The following SYN3 variants were observed in gnomAD, a reference collection of about 807,000 sequenced individuals.
The protein encoded by SYN3 is synapsin III, also known as synapsin-3.
In SYN3, 35 loss-of-function variants were observed where a neutral mutation model predicts 65.8. The ratio of observed to expected loss-of-function variants is 0.53; its 90% CI spans 0.41 to 0.70. The LOEUF is 0.70. SYN3 is among the 30% of genes least tolerant of loss of function. The pLI is 0.00. For missense variants in SYN3, 680 were observed against 749.0 expected, an observed-to-expected ratio of 0.91 and a Z score of 1.08; for synonymous variants, 270 against 292.9, an observed-to-expected ratio of 0.92 and a Z score of 0.80.
intron 7 of SYN3, among the ~76,000 whole-genome samples, chr22:32,570,885 A>G (rs1468200028): frequency 6.6e-6 from 1 of 152,200 alleles, no homozygotes; most frequent in Non-Finnish European, 1.5e-5. Flanking sequence ...GGGGGACACA[A>G]ATGAACATGG....
At chr22:32,997,093 C>T (rs541924046) in intron 2 of SYN3, among the ~76,000 whole-genome samples, 7 of 152,324 alleles carry the variant, frequency 4.6e-5, no homozygotes, top group South Asian at 4.1e-4. Context: ...ATAAGAACTG[C>T]GGTGCCCAGG....
chr22:32,903,595 T>C (rs560101817), intron 4 of SYN3, among the ~76,000 whole-genome samples: 2 of 152,292 alleles, frequency 1.3e-5, no homozygotes, highest in Non-Finnish European at 2.9e-5. Flanking sequence ...GCAGCCTCCA[T>C]AGCTGGCTGC....
intron 10 of SYN3, among the ~76,000 whole-genome samples, chr22:32,531,140 C>A (rs1228727400): frequency 8.0e-5 from 10 of 125,578 alleles, no homozygotes; most frequent in Non-Finnish European, 1.3e-4. Flanking sequence ...CAGAATGAGA[C>A]CCCGTCTCAA....
intron 6 of SYN3, among the ~76,000 whole-genome samples, chr22:32,730,021 T>C (rs1250530493): frequency 6.6e-6 from 1 of 152,158 alleles, no homozygotes; most frequent in African/African-American, 2.4e-5. Context: ...TGGATGACAA[T>C]GATAAAGGCT....
intron 6 of SYN3, among the ~76,000 whole-genome samples, chr22:32,798,278 G>A (rs568262888): frequency 2.4e-4 from 36 of 152,220 alleles, no homozygotes; most frequent in Non-Finnish European, 4.4e-4. Context: ...TCTGTCTACA[G>A]ATCTGAAAAG....
At chr22:32,822,673 C>T (rs1357201901) in intron 6 of SYN3, among the ~76,000 whole-genome samples, 1 of 152,140 alleles carries the variant, frequency 6.6e-6, no homozygotes, top group African/African-American at 2.4e-5. Flanking sequence ...TGAAGATCTG[C>T]ACTTCCTCTT....
intron 6 of SYN3, among the ~76,000 whole-genome samples, chr22:32,690,330 G>A (rs2060645838): frequency 6.6e-6 from 1 of 152,192 alleles, no homozygotes; most frequent in Non-Finnish European, 1.5e-5. Context: ...AGAATGATGA[G>A]AAATACATTT....
chr22:32,831,586 A>T (rs1253078032), intron 6 of SYN3, among the ~76,000 whole-genome samples: 1 of 152,202 alleles, frequency 6.6e-6, no homozygotes, highest in African/African-American at 2.4e-5. Flanking sequence ...CTAGCATATA[A>T]TTGGAAGATT....
intron 3 of SYN3, among the ~76,000 whole-genome samples, chr22:32,950,611 T>C (rs754357511): frequency 6.0e-5 from 9 of 150,244 alleles, no homozygotes; most frequent in Non-Finnish European, 1.0e-4. Context: ...TATTTTTTCA[T>C]AGTTGTCATT....
chr22:32,542,954 C>G (rs1430067638), intron 7 of SYN3, among the ~76,000 whole-genome samples: 1 of 152,102 alleles, frequency 6.6e-6, no homozygotes, highest in Non-Finnish European at 1.5e-5. Flanking sequence ...TCCCTGTCAC[C>G]CTCACCCCGA....
rs150669862 is a variant in SYN3, at chr22:32,749,005, AGCTGACCCT to A, written c.711+115901_711+115909del. 7.6e-3 allele frequency among the ~76,000 whole-genome samples: 1,161 copies of A among 152,266 alleles called. 18 individuals are homozygous for A. Among genetic ancestry groups the A allele is most frequent in the African/African-American group, 0.026 (1,100 of 41,560 alleles). Reference sequence around the variant, plus strand: ...CGCTCCCAATTCCCTCTCTGTTAATAGCTGACCCTGCTTGGCTGTGTTAATCCACTTGGG... The same window carrying A: ...CGCTCCCAATTCCCTCTCTGTTAATAGCTTGGCTGTGTTAATCCACTTGGG... On this transcript the variant is annotated intron_variant, in intron 6 of 13. Transcript: ENST00000358763.
chr22:33,020,822 C>T (rs1450897759), intron 1 of SYN3, among the ~76,000 whole-genome samples: 2 of 152,164 alleles, frequency 1.3e-5, no homozygotes, highest in East Asian at 3.9e-4. Flanking sequence ...ATCCTGGGAC[C>T]AGGTTGCTTG....
In SYN3 at chr22:32,825,657, C is replaced by CAAAA. The variant is rs130292; in HGVS notation, c.711+39254_711+39257dup. On this transcript the variant is annotated intron_variant, in intron 6 of 13. Transcript: ENST00000358763. ...TGGGCGACAGAGCGAGTTTCCATCTCAAAAAAAAAAAAAAAAAAAAAAAAA... is the reference window on the plus strand; with the variant it reads ...TGGGCGACAGAGCGAGTTTCCATCTCAAAAAAAAAAAAAAAAAAAAAAAAAAAAA... Among the ~76,000 whole-genome samples, 8 of 28,594 alleles carry CAAAA rather than the reference C, an allele frequency of 2.8e-4. 2 individuals carry two copies. The highest frequency in any genetic ancestry group is 1.4e-3 in the Admixed American group (2 of 1,430). The allele number at this position is 28,594 out of a possible 152,430, so 18.8% of individuals were successfully genotyped here.
At chr22:32,979,523 G>A (rs1006721201) in intron 3 of SYN3, among the ~76,000 whole-genome samples, 3 of 152,086 alleles carry the variant, frequency 2.0e-5, no homozygotes, top group South Asian at 4.2e-4. Context: ...AAAAGTGCAG[G>A]GAGAAGAACA....
chr22:33,006,062 G>T (rs2053187145), intron 2 of SYN3, among the ~76,000 whole-genome samples: 2 of 152,156 alleles, frequency 1.3e-5, no homozygotes, highest in African/African-American at 4.8e-5. Context: ...GCTACCAAAA[G>T]AATTGCAAAA....
intron 6 of SYN3, among the ~76,000 whole-genome samples, chr22:32,730,599 G>C (rs2061257387): frequency 6.6e-6 from 1 of 152,182 alleles, no homozygotes; most frequent in African/African-American, 2.4e-5. Flanking sequence ...TTGTGAGTTT[G>C]CTTATCAAGT....
chr22:32,683,527 T>C (rs368365510), intron 6 of SYN3, among the ~76,000 whole-genome samples: 237 of 152,306 alleles, frequency 1.6e-3, no homozygotes, highest in South Asian at 0.011. Context: ...AAGTCTGAAA[T>C]AAGTAGGGGC....
At chr22:32,710,086 C>T (rs1380251357) in intron 6 of SYN3, among the ~76,000 whole-genome samples, 2 of 95,744 alleles carry the variant, frequency 2.1e-5, no homozygotes, top group East Asian at 4.3e-4. Context: ...CACACACACA[C>T]ACACACACAC....
chr22:33,038,820 T>C (rs1002820529), intron 1 of SYN3, among the ~76,000 whole-genome samples: 50 of 152,172 alleles, frequency 3.3e-4, no homozygotes, highest in African/African-American at 1.2e-3. Context: ...ACCCCTAAAC[T>C]GTGCCATGAT....
Sources: gnomAD v4.1 joint callset for allele counts (sites outside exome capture counted in the v4.1 genomes callset) on GRCh38, gnomAD v4.1.1 for gene constraint, MANE v1.5 for transcripts, NCBI Gene and HGNC (gene_info 2026-07-23, HGNC 2026-07-21) for gene names.